The following NAALADL2 variants were observed in gnomAD, a reference collection of about 807,000 sequenced individuals.
NAALADL2 encodes the protein N-acetylated alpha-linked acidic dipeptidase like 2.
Under a neutral mutation model 87.2 loss-of-function variants are expected in NAALADL2, and 76 were observed. The ratio of observed to expected loss-of-function variants is 0.87; its 90% CI spans 0.72 to 1.05. The LOEUF is 1.05. NAALADL2 is among the 50% of genes least tolerant of loss of function. NAALADL2 has a pLI of 0.00. For missense variants in NAALADL2, 1,089 were observed against 945.8 expected, an observed-to-expected ratio of 1.15 and a Z score of -1.99; for synonymous variants, 354 against 331.0, an observed-to-expected ratio of 1.07 and a Z score of -0.75.
chr3:175,655,768 G>A (rs979089861), intron 11 of NAALADL2, among the ~76,000 whole-genome samples: 1 of 152,020 alleles, frequency 6.6e-6, no homozygotes, highest in Non-Finnish European at 1.5e-5. Flanking sequence ...AGATCAGGTT[G>A]TCATATTGCT....
At chr3:175,698,483 T>TTTTTTATATATATATATA (rs1398396262) in intron 11 of NAALADL2, among the ~76,000 whole-genome samples, 1 of 67,774 alleles carries the variant, frequency 1.5e-5, no homozygotes, top group African/African-American at 9.0e-5. Context: ...GTATATATAT[T>TTTTTTATATATATATATA]TATATATATA....
chr3:174,662,177 C>A (rs2108780660), intron 2 of NAALADL2, among the ~76,000 whole-genome samples: 1 of 152,194 alleles, frequency 6.6e-6, no homozygotes, highest in African/African-American at 2.4e-5. Flanking sequence ...TATATGCTAT[C>A]AATTCTTATT....
intron 9 of NAALADL2, among the ~76,000 whole-genome samples, chr3:175,493,806 A>G (rs533037038): frequency 1.8e-4 from 28 of 152,134 alleles, no homozygotes; most frequent in Non-Finnish European, 3.1e-4. Flanking sequence ...TGCCTTATTA[A>G]AAACTATTGT....
intron 5 of NAALADL2, among the ~76,000 whole-genome samples, chr3:175,354,654 T>A (rs1450494847): frequency 6.6e-6 from 1 of 152,026 alleles, no homozygotes; most frequent in African/African-American, 2.4e-5. Flanking sequence ...CTATTATTTT[T>A]GTTTTTAGAG....
At position 175,667,239 on chromosome 3, in the gene NAALADL2, GAAAAA is replaced by G. The variant is rs1560943575; in HGVS notation, c.1896+39854_1896+39858del. Among the ~76,000 whole-genome samples, 720 of 82,044 alleles carry G rather than the reference GAAAAA, an allele frequency of 8.8e-3. 21 individuals carry two copies. Among genetic ancestry groups the G allele is most frequent in the African/African-American group, 0.03 (445 of 14,626 alleles). The allele number at this position is 82,044 out of a possible 152,430, so 53.8% of individuals were successfully genotyped here. On this transcript the variant is annotated intron_variant, in intron 11 of 13. Coordinates refer to ENST00000454872, the MANE Select transcript of NAALADL2 (RefSeq NM_207015.3). ...AGAAAGAAAGAAAGAAAGAAAGAAA[GAAAAA>G]GAAAGAAAGAAAGAAAGAAAGGAAG...
At chr3:175,587,357 A>G (rs1720683305) in intron 10 of NAALADL2, among the ~76,000 whole-genome samples, 1 of 152,132 alleles carries the variant, frequency 6.6e-6, no homozygotes, top group African/African-American at 2.4e-5. Context: ...TAAAGGGTCA[A>G]CAGTATTTTC....
chr3:175,027,922 T>A (rs1288070924), intron 1 of NAALADL2, among the ~76,000 whole-genome samples: 1 of 152,012 alleles, frequency 6.6e-6, no homozygotes, highest in African/African-American at 2.4e-5. Flanking sequence ...ACCCTTTATC[T>A]TGTATCTCGG....
At chr3:175,225,724 G>T (rs985691192) in intron 2 of NAALADL2, among the ~76,000 whole-genome samples, 1 of 151,816 alleles carries the variant, frequency 6.6e-6, no homozygotes, top group Admixed American at 6.6e-5. Flanking sequence ...TTTATCAAAA[G>T]TTTCTGTGTA....
rs565331151 is a variant in NAALADL2 at position 174,768,428 on chromosome 3, T to G, written c.-9+30682T>G. 3.3e-5 allele frequency among the ~76,000 whole-genome samples: 5 copies of G among 152,304 alleles called. No homozygotes were observed. The South Asian group carries it at 1.0e-3, about 32-fold the overall frequency. On this transcript the variant is annotated intron_variant, in intron 3 of 3. Coordinates refer to the NAALADL2 transcript ENST00000434257. ...CCTTTGGCATTAACTCTGAGCCTAG[T>G]CTTTTCATTTATAAAGTAGAAATTT...
chr3:174,642,914 C>G (rs1199574306), intron 2 of NAALADL2, among the ~76,000 whole-genome samples: 1 of 151,900 alleles, frequency 6.6e-6, no homozygotes. Flanking sequence ...TCCTGCGTAG[C>G]TGGGACTATA....
intron 1 of NAALADL2, among the ~76,000 whole-genome samples, chr3:174,871,462 A>G (rs930054907): frequency 7.2e-5 from 11 of 152,232 alleles, no homozygotes; most frequent in Non-Finnish European, 1.2e-4. Flanking sequence ...GTAGCCAGTG[A>G]AAGTTTGCCA....
intron 5 of NAALADL2, among the ~76,000 whole-genome samples, chr3:175,370,336 A>G (rs1045560723): frequency 6.6e-5 from 10 of 152,128 alleles, no homozygotes; most frequent in African/African-American, 1.2e-4. Context: ...AAAGCCCTCA[A>G]TATAAGAAAA....
At chr3:174,631,649 A>G (rs568372147) in intron 2 of NAALADL2, among the ~76,000 whole-genome samples, 3 of 152,354 alleles carry the variant, frequency 2.0e-5, no homozygotes, top group South Asian at 4.1e-4. Flanking sequence ...AGACAAATAT[A>G]TATTGCAGAG....
At chr3:175,399,302 A>G (rs141786910) in intron 5 of NAALADL2, among the ~76,000 whole-genome samples, 3 of 152,144 alleles carry the variant, frequency 2.0e-5, no homozygotes, top group Non-Finnish European at 4.4e-5. Flanking sequence ...AACATCATCC[A>G]TCTGTTCCCT....
chr3:174,442,415 A>T lies in NAALADL2; in HGVS notation c.-184+1383A>T, dbSNP rs190536946. On this transcript the variant is annotated intron_variant, in intron 1 of 3. Coordinates refer to the NAALADL2 transcript ENST00000434257. ...TTTTTTCTCCTTTACAATCGGCAGT[A>T]ATGTCTGATCTCAAGACTTATGGGA... Among the ~76,000 whole-genome samples, 690 of 152,150 alleles carry T rather than the reference A, an allele frequency of 4.5e-3. 19 individuals carry two copies. Among genetic ancestry groups the T allele is most frequent in the East Asian group, 9.7e-3 (50 of 5,170 alleles).
chr3:175,292,331 G>T (rs1755735898), intron 4 of NAALADL2, among the ~76,000 whole-genome samples: 2 of 152,170 alleles, frequency 1.3e-5, no homozygotes, highest in African/African-American at 4.8e-5. Flanking sequence ...TTGATTTATA[G>T]TTTTAGATCA....
At chr3:175,677,326 G>T (rs1378979324) in intron 11 of NAALADL2, among the ~76,000 whole-genome samples, 1 of 151,902 alleles carries the variant, frequency 6.6e-6, no homozygotes, top group Non-Finnish European at 1.5e-5. Flanking sequence ...TCGTGCCCTT[G>T]CACTCCAGCC....
chr3:175,240,640 C>T (rs1036306235), intron 3 of NAALADL2, among the ~76,000 whole-genome samples: 2 of 151,990 alleles, frequency 1.3e-5, no homozygotes, highest in African/African-American at 2.4e-5. Context: ...ATGTGAACTT[C>T]GAAGTTTTTG....
At chr3:174,882,679 A>ATACACATATGTG (rs1729478210) in intron 1 of NAALADL2, among the ~76,000 whole-genome samples, 4 of 137,928 alleles carry the variant, frequency 2.9e-5, no homozygotes, top group African/African-American at 9.7e-5. Flanking sequence ...ACATATGTGT[A>ATACACATATGTG]TATGTGTATC....
Sources: allele counts gnomAD v4.1 joint callset (sites outside exome capture counted in the v4.1 genomes callset), GRCh38; gene constraint gnomAD v4.1.1; transcripts MANE v1.5; gene names NCBI Gene and HGNC (gene_info 2026-07-23, HGNC 2026-07-21).